Variants in TLL1 observed in about 807,000 individuals in gnomAD.
The protein encoded by TLL1 is tolloid-like protein 1.
Under a neutral mutation model 128.2 loss-of-function variants are expected in TLL1, and 49 were observed. The observed-to-expected ratio is 0.38, with a 90% CI of 0.30 to 0.48. The LOEUF is 0.48. TLL1 is among the 20% of genes least tolerant of loss of function. The probability of loss-of-function intolerance (pLI) is 0.96; values close to 1 mark genes in which losing one functional copy is unlikely to be tolerated. For synonymous variants in TLL1, 454 were observed against 418.8 expected (o/e 1.08, Z -1.03); for missense variants, 1,123 against 1,242.0 (o/e 0.90, Z 1.44).
At chr4:166,094,817 C>G (rs1186926556) in intron 19 of TLL1, among the ~76,000 whole-genome samples, 1 of 152,028 alleles carries the variant, frequency 6.6e-6, no homozygotes, top group South Asian at 2.1e-4. Context: ...TATTTCTCCT[C>G]AAAATCTCTT....
At chr4:166,059,603 A>G (rs1370684753) in intron 14 of TLL1, among the ~76,000 whole-genome samples, 2 of 152,046 alleles carry the variant, frequency 1.3e-5, no homozygotes, top group Non-Finnish European at 2.9e-5. Flanking sequence ...TGTGCTTTAC[A>G]TGTATATTTT....
intron 1 of TLL1, among the ~76,000 whole-genome samples, chr4:165,926,571 G>A (rs1323252665): frequency 6.6e-6 from 1 of 152,160 alleles, no homozygotes; most frequent in Non-Finnish European, 1.5e-5. Context: ...TCTGTCTTAA[G>A]TACATTTTGG....
At chr4:166,068,793 A>G (rs993747862) in intron 16 of TLL1, among the ~76,000 whole-genome samples, 1 of 151,886 alleles carries the variant, frequency 6.6e-6, no homozygotes, top group African/African-American at 2.4e-5. Context: ...TGGCAAATGC[A>G]CTTTGTGGAC....
rs998439856 is a variant in TLL1, at chr4:166,103,422, T to C, written c.*2546T>C. The C allele has an allele frequency of 3.9e-5, 6 of 151,934 alleles. No homozygotes were observed. In the East Asian group the frequency reaches 9.7e-4, roughly 25 times the overall value. 9.4% of individuals were successfully genotyped at this position (151,934 alleles called of 1,614,324 possible). A position where few individuals can be genotyped will look rare whatever the true frequency, so the allele number is the denominator to read the frequency against. On this transcript the variant is annotated 3_prime_UTR_variant, in exon 21 of 21. Coordinates refer to ENST00000061240, the MANE Select transcript of TLL1 (RefSeq NM_012464.5). ...TATGAGCCTTTTGTGAAAATAAATA[T>C]ATTAAATTATTTTGCCTGATGTGGT...
chr4:165,894,688 T>C (rs2110838572), intron 1 of TLL1, among the ~76,000 whole-genome samples: 1 of 152,240 alleles, frequency 6.6e-6, no homozygotes, highest in South Asian at 2.1e-4. Flanking sequence ...ATTTTTTCCT[T>C]ATCTTTAGGG....
intron 15 of TLL1, among the ~76,000 whole-genome samples, chr4:166,061,232 C>A (rs1740295081): frequency 7.1e-6 from 1 of 141,620 alleles, no homozygotes. Flanking sequence ...TACTTTTCCT[C>A]CTTTCCTTTT....
Position 166,007,943 on chromosome 4 carries a change from G to A in TLL1, c.812G>A (p.Gly271Asp), listed in dbSNP as rs146873424. The A allele has an allele frequency of 5.0e-6, 8 of 1,603,944 alleles. No individual in the cohort carries two copies. In the African/African-American group the frequency reaches 9.4e-5, roughly 19 times the overall value. Residue 271 changes from glycine to aspartate, a missense_variant and splice_region_variant, in exon 7 of 21, where the codon GGT becomes GAT. By Grantham distance (94) the Gly-to-Asp change is moderately conservative. This residue lies in a region of TLL1 where 480 missense variants were observed against 542.4 expected (regional missense o/e 0.89). Transcript: ENST00000061240. ...VTIIRENIQP[G>D]QEYNFLKMEP... is the part of the protein sequence containing the mutation. ...GATTTTGTTTATCCCTGGTTCTTAG[G>A]TCAAGAGTACAATTTTCTGAAGATG...
intron 15 of TLL1, among the ~76,000 whole-genome samples, chr4:166,065,098 T>C (rs987264151): frequency 6.6e-5 from 10 of 152,072 alleles, no homozygotes; most frequent in African/African-American, 2.4e-4. Context: ...ATATTATATA[T>C]AAATCAGAAT....
Position 166,091,333 on chromosome 4 carries a change from A to G in TLL1, c.2648A>G (p.His883Arg). 2 of 1,612,252 alleles carry G rather than the reference A, an allele frequency of 1.2e-6. No homozygotes were observed. Among genetic ancestry groups the G allele is most frequent in the East Asian group, 2.2e-5 (1 of 44,642 alleles). Residue 883 changes from histidine to arginine, a missense_variant, in exon 19 of 21, where the codon CAT (histidine) becomes CGT (arginine). Physicochemically the swap from His to Arg is conservative, Grantham distance 29 (BLOSUM62 0). Coordinates refer to ENST00000061240, the MANE Select transcript of TLL1 (RefSeq NM_012464.5). ...SVQRKGFQAT[H>R]STECGGRLKA... Reference sequence around the variant, plus strand: ...CAAAGAAAAGGCTTTCAAGCTACACATTCTACAGGTCAGCAAATTCAAGTC... The same window carrying G: ...CAAAGAAAAGGCTTTCAAGCTACACGTTCTACAGGTCAGCAAATTCAAGTC...
At chr4:166,022,182 C>T (rs77783332) in intron 8 of TLL1, among the ~76,000 whole-genome samples, 37 of 135,884 alleles carry the variant, frequency 2.7e-4, no homozygotes, top group South Asian at 9.4e-4. Context: ...TTTTTTTTTT[C>T]GAGATGGAGT....
chr4:166,096,519 T>G (rs892155192), intron 19 of TLL1, among the ~76,000 whole-genome samples: 1 of 152,122 alleles, frequency 6.6e-6, no homozygotes, highest in Non-Finnish European at 1.5e-5. Context: ...TCTTCAGTTC[T>G]TCCTTGATTT....
chr4:166,013,961 A>G (rs184477714), intron 7 of TLL1, among the ~76,000 whole-genome samples: 618 of 151,930 alleles, frequency 4.1e-3, no homozygotes, highest in Non-Finnish European at 6.7e-3. Flanking sequence ...CTTAGGTTAA[A>G]TTAGTAGTTT....
chr4:165,985,684 G>T (rs1250855685), intron 1 of TLL1, among the ~76,000 whole-genome samples: 1 of 151,796 alleles, frequency 6.6e-6, no homozygotes, highest in Non-Finnish European at 1.5e-5. Flanking sequence ...AAGGCCTAGG[G>T]AATCACAATC....
At chr4:166,086,497 T>C (rs962785144) in intron 18 of TLL1, among the ~76,000 whole-genome samples, 1 of 152,090 alleles carries the variant, frequency 6.6e-6, no homozygotes, top group Non-Finnish European at 1.5e-5. Flanking sequence ...TGGTTGCAAT[T>C]GTATGTCTGT....
At chr4:165,999,942 GT>G (rs1441588559) in intron 5 of TLL1, among the ~76,000 whole-genome samples, 2 of 152,180 alleles carry the variant, frequency 1.3e-5, no homozygotes, top group African/African-American at 4.8e-5. Flanking sequence ...AAGGGGTTTT[GT>G]TCCAAAAGGG....
chr4:165,938,689 T>C (rs2110918972), intron 1 of TLL1, among the ~76,000 whole-genome samples: 1 of 152,236 alleles, frequency 6.6e-6, no homozygotes, highest in African/African-American at 2.4e-5. Flanking sequence ...AAAAATTCCC[T>C]GTGCTTATTT....
At chr4:166,007,250 AT>A (rs1399964874) in intron 6 of TLL1, among the ~76,000 whole-genome samples, 2 of 151,786 alleles carry the variant, frequency 1.3e-5, no homozygotes, top group Non-Finnish European at 3.0e-5. Flanking sequence ...CAAACAGGCA[AT>A]TGAAAAATCT....
chr4:166,001,541 GTAA>G (rs547221936), intron 5 of TLL1, among the ~76,000 whole-genome samples: 2 of 152,032 alleles, frequency 1.3e-5, no homozygotes, highest in Non-Finnish European at 2.9e-5. Context: ...GCCCACACTT[GTAA>G]TCCAAGCACT....
intron 1 of TLL1, among the ~76,000 whole-genome samples, chr4:165,916,999 G>T (rs772601527): frequency 6.6e-6 from 1 of 152,098 alleles, no homozygotes; most frequent in East Asian, 1.9e-4. Context: ...GGCAATTTTT[G>T]TGCTGCTTGT....
Sources: gnomAD v4.1 joint callset for allele counts (sites outside exome capture counted in the v4.1 genomes callset) on GRCh38, gnomAD v4.1.1 for gene constraint, gnomAD v4.1.1 regional missense constraint, MANE v1.5 for transcripts, NCBI Gene and HGNC (gene_info 2026-07-23, HGNC 2026-07-21) for gene names.